Variants in TRIOBP observed in about 807,000 individuals in gnomAD.
TRIOBP encodes the protein TRIO and F-actin binding protein.
Under a neutral mutation model 238.8 loss-of-function variants are expected in TRIOBP, and 169 were observed. The ratio of observed to expected loss-of-function variants is 0.71; its 90% CI spans 0.62 to 0.80. The LOEUF is 0.80. Ranked by LOEUF, TRIOBP falls within the 30% of genes least tolerant of loss-of-function variation. The pLI is 0.00. For synonymous variants in TRIOBP, 1,150 were observed against 1,274.4 expected (o/e 0.90, Z 2.08); for missense variants, 2,838 against 3,122.6 (o/e 0.91, Z 2.17).
chr22:37,769,340 G>T lies in TRIOBP; in HGVS notation c.6814G>T (p.Gly2272Trp). Residue 2272 changes from glycine to tryptophan, a missense_variant, in exon 21 of 24, where the codon GGG becomes TGG. Gly to Trp is a radical substitution (Grantham distance 184). Coordinates refer to ENST00000644935, the MANE Select transcript of TRIOBP (RefSeq NM_001039141.3). ...IASQGMGNGC[G>W]RSNERSSCEL... ...CTCGCAGGGCATGGGCAATGGCTGC[G>T]GGCGCAGCAACGAGCGGAGTTCCTG... 6.2e-7 allele frequency: 1 copy of T among 1,610,552 alleles called. No individual in the cohort carries two copies. Among genetic ancestry groups the T allele is most frequent in the East Asian group, 2.2e-5 (1 of 44,732 alleles).
chr22:37,754,902 C>T lies in TRIOBP; in HGVS notation c.5405C>T (p.Thr1802Ile), dbSNP rs148574550. The change falls in exon 13 of 24, where the codon ACC becomes ATC. Residue 1802 changes from threonine to isoleucine, a missense_variant. Physicochemically the swap from Thr to Ile is moderately conservative, Grantham distance 89. Around this residue, in one of 5 missense-constraint regions of TRIOBP, gnomAD observed 2,096 missense variants for 2,137.4 expected, o/e 0.98. Coordinates refer to ENST00000644935, the MANE Select transcript of TRIOBP (RefSeq NM_001039141.3). Reference sequence around the variant, plus strand: ...CCTCCCTCCCCCTCGCTCACCACCACCTCTACTTCGCAGTGGAAGAAACAT... The same window carrying T: ...CCTCCCTCCCCCTCGCTCACCACCATCTCTACTTCGCAGTGGAAGAAACAT... Reference protein sequence around the residue: ...GEPPSPSLTTTSTSQWKKHWF... With the variant: ...GEPPSPSLTTISTSQWKKHWF... 5.0e-6 allele frequency: 8 copies of T among 1,614,046 alleles called. No homozygotes were observed. The highest frequency in any genetic ancestry group is 6.8e-6 in the Non-Finnish European group (8 of 1,180,050).
At chr22:37,719,617 C>T (rs1300587461) in intron 6 of TRIOBP, among the ~76,000 whole-genome samples, 2 of 151,998 alleles carry the variant, frequency 1.3e-5, no homozygotes, top group African/African-American at 2.4e-5. Context: ...ACAGCAGTGA[C>T]CTGTTTTTTT....
intron 19 of TRIOBP, 124 bp downstream of exon 19, chr22:37,768,300 G>T (rs561234947): frequency 9.8e-6 from 8 of 813,340 alleles, no homozygotes; most frequent in Non-Finnish European, 1.4e-5. Context: ...CAGTCTCATG[G>T]ATGCAAGAAA....
intron 6 of TRIOBP, among the ~76,000 whole-genome samples, chr22:37,721,440 G>A (rs948076702): frequency 6.6e-6 from 1 of 152,210 alleles, no homozygotes; most frequent in Non-Finnish European, 1.5e-5. Flanking sequence ...AGGCGTGAAG[G>A]GAGGGGATCT....
chr22:37,735,466 AG>A, intron 9 of TRIOBP, 24 bp downstream of exon 9: 1 of 1,546,586 alleles, frequency 6.5e-7, no homozygotes, highest in African/African-American at 1.4e-5. Context: ...CACCCTCCCA[AG>A]GGTAGCCAGA....
intron 3 of TRIOBP, among the ~76,000 whole-genome samples, chr22:37,708,886 G>A (rs1042725443): frequency 5.3e-5 from 8 of 152,210 alleles, no homozygotes; most frequent in Non-Finnish European, 1.0e-4. Context: ...TGGGTGGTGT[G>A]GGGTGGTGAC....
rs1260404126 is a variant in TRIOBP, at chr22:37,726,273, C to T, written c.3717C>T (p.Phe1239=). The change falls in exon 7 of 24, where the codon TTC becomes TTT. Residue 1239 remains phenylalanine, a synonymous_variant. Transcript: ENST00000644935. ...GCCACCCACCCAGTGACCTAGCGTTCCTGGCACCCTCACCTTCACCGGGCA... is the reference window on the plus strand; with the variant it reads ...GCCACCCACCCAGTGACCTAGCGTTTCTGGCACCCTCACCTTCACCGGGCA... The part of the protein sequence containing the change: ...PPRHPPSDLA[F]LAPSPSPGSS... 2 of 1,612,144 alleles carry T rather than the reference C, an allele frequency of 1.2e-6. No individual in the cohort carries two copies. Among genetic ancestry groups the T allele is most frequent in the Non-Finnish European group, 8.5e-7 (1 of 1,179,320 alleles).
rs766184446 is a variant in TRIOBP at position 37,776,544 on chromosome 22, T to C, written c.*2764T>C. 7 of 152,216 alleles carry C rather than the reference T, an allele frequency of 4.6e-5. No homozygotes were observed. The allele number at this position is 152,216 out of a possible 1,614,324, so 9.4% of individuals were successfully genotyped here. ...TGTCAGTAGTAGAATGAATAAATTG[T>C]GGTCGATTCATACGTTAGAATACAG... On this transcript the variant is annotated 3_prime_UTR_variant, in exon 24 of 24. Coordinates refer to ENST00000644935, the MANE Select transcript of TRIOBP (RefSeq NM_001039141.3).
At chr22:37,759,517 G>T (rs1256588641) in intron 17 of TRIOBP, 2 of 1,607,498 alleles carry the variant, frequency 1.2e-6, no homozygotes, top group Non-Finnish European at 8.5e-7. Flanking sequence ...GGTCTCAAAG[G>T]TGGGATTTGA....
At chr22:37,731,883 C>T (rs780878367) in intron 7 of TRIOBP, among the ~76,000 whole-genome samples, 3 of 152,266 alleles carry the variant, frequency 2.0e-5, no homozygotes, top group Admixed American at 2.0e-4. Context: ...ACCCATTGCG[C>T]CCTGCCCAAT....
intron 9 of TRIOBP, among the ~76,000 whole-genome samples, chr22:37,736,842 G>A (rs1924697263): frequency 6.6e-6 from 1 of 151,946 alleles, no homozygotes; most frequent in Admixed American, 6.6e-5. Flanking sequence ...GGTCAGGCTG[G>A]TCTTGGACTC....
chr22:37,716,144 C>A (rs923190163), intron 6 of TRIOBP, among the ~76,000 whole-genome samples: 5 of 152,152 alleles, frequency 3.3e-5, no homozygotes, highest in African/African-American at 9.7e-5. Flanking sequence ...TGGAGTCTTG[C>A]TCTGTTGCCC....
chr22:37,710,476 G>C lies in TRIOBP; in HGVS notation c.164G>C (p.Arg55Pro), dbSNP rs751912227. 1.9e-6 allele frequency: 3 copies of C among 1,613,168 alleles called. No homozygotes were observed. The highest frequency in any genetic ancestry group is 2.5e-6 in the Non-Finnish European group (3 of 1,179,968). ...GAGGTGCCCTACTGCGACCTGCCTCGATGTCCACCTGCCCCTGAGGACCCA... is the reference window on the plus strand; with the variant it reads ...GAGGTGCCCTACTGCGACCTGCCTCCATGTCCACCTGCCCCTGAGGACCCA... Reference protein sequence around the residue: ...GAEVPYCDLPRCPPAPEDPLS... With the variant: ...GAEVPYCDLPPCPPAPEDPLS... Residue 55 changes from arginine to proline, a missense_variant, in exon 4 of 24, where the codon CGA becomes CCA. Transcript: ENST00000644935.
intron 12 of TRIOBP, among the ~76,000 whole-genome samples, chr22:37,753,499 G>A (rs1296716676): frequency 6.6e-6 from 1 of 152,092 alleles, no homozygotes. Flanking sequence ...GGCTGGTCTC[G>A]AACTCCTGAC....
intron 18 of TRIOBP, among the ~76,000 whole-genome samples, chr22:37,767,709 A>T (rs1287674776): frequency 2.0e-5 from 3 of 152,070 alleles, no homozygotes; most frequent in Non-Finnish European, 1.5e-5. Flanking sequence ...CAGAGTCTGC[A>T]GGGGGGGTGT....
chr22:37,722,142 C>T (rs995353310), intron 6 of TRIOBP, among the ~76,000 whole-genome samples: 2 of 152,190 alleles, frequency 1.3e-5, no homozygotes, highest in African/African-American at 2.4e-5. Context: ...TCCATCCCTG[C>T]ACCTTTCCTA....
chr22:37,734,111 G>A (rs1286443981), intron 8 of TRIOBP, among the ~76,000 whole-genome samples: 1 of 152,232 alleles, frequency 6.6e-6, no homozygotes, highest in Admixed American at 6.5e-5. Context: ...TGGTGGTGGA[G>A]GTTCTGGCAC....
chr22:37,722,442 A>G (rs1923881682), intron 6 of TRIOBP, among the ~76,000 whole-genome samples: 1 of 150,404 alleles, frequency 6.6e-6, no homozygotes, highest in Admixed American at 6.6e-5. Flanking sequence ...AAAAAAAAAA[A>G]AAGGTCGGGC....
chr22:37,756,853 C>T (rs1458584900), intron 15 of TRIOBP, among the ~76,000 whole-genome samples: 2 of 152,232 alleles, frequency 1.3e-5, no homozygotes, highest in African/African-American at 2.4e-5. Context: ...TCTGTGCACC[C>T]CGAGGTCCCG....
Sources: allele counts gnomAD v4.1 joint callset (sites outside exome capture counted in the v4.1 genomes callset), GRCh38; gene constraint gnomAD v4.1.1; regional missense constraint gnomAD v4.1.1; transcripts MANE v1.5; gene names NCBI Gene and HGNC (gene_info 2026-07-23, HGNC 2026-07-21).